IQSEC1: variants seen among roughly 807,000 people sequenced by gnomAD.
IQSEC1 encodes the protein IQ motif and SEC7 domain-containing protein 1.
IQSEC1 carries 31 observed loss-of-function variants against 91.0 expected under a neutral mutation model. The ratio of observed to expected loss-of-function variants is 0.34; its 90% CI spans 0.26 to 0.46. The LOEUF (loss-of-function observed/expected upper bound fraction) is 0.46, where lower values mean the gene tolerates loss of function less well. Among genes scored for constraint, IQSEC1 ranks in the 20% least tolerant of loss-of-function variants. The probability of loss-of-function intolerance (pLI) is 1.00; values close to 1 mark genes in which losing one functional copy is unlikely to be tolerated. For missense variants in IQSEC1, 1,388 were observed against 1,575.6 expected, an observed-to-expected ratio of 0.88 and a Z score of 2.02; for synonymous variants, 699 against 662.6, an observed-to-expected ratio of 1.05 and a Z score of -0.84.
At chr3:13,256,749 AG>A (rs1477318787) in intron 1 of IQSEC1, among the ~76,000 whole-genome samples, 1 of 152,236 alleles carries the variant, frequency 6.6e-6, no homozygotes, top group East Asian at 1.9e-4. Flanking sequence ...AGAAACCAAA[AG>A]GACAAACTGG....
At chr3:13,021,182 G>A (rs1372838910) in intron 1 of IQSEC1, among the ~76,000 whole-genome samples, 1 of 152,158 alleles carries the variant, frequency 6.6e-6, no homozygotes, top group Non-Finnish European at 1.5e-5. Context: ...TTACAGATGG[G>A]GAGACCCCAG....
intron 1 of IQSEC1, among the ~76,000 whole-genome samples, chr3:13,024,927 TCTCTGCC>T (rs1703555814): frequency 6.6e-6 from 1 of 152,204 alleles, no homozygotes; most frequent in Non-Finnish European, 1.5e-5. Flanking sequence ...GAATAAAAAA[TCTCTGCC>T]CTCCAGGCTG....
chr3:12,938,265 C>G (rs1297165945), intron 2 of IQSEC1, among the ~76,000 whole-genome samples: 2 of 152,222 alleles, frequency 1.3e-5, no homozygotes, highest in Non-Finnish European at 2.9e-5. Flanking sequence ...CATGGAGGTC[C>G]TTGCCCTCGA....
intron 2 of IQSEC1, among the ~76,000 whole-genome samples, chr3:13,104,221 C>T (rs916264589): frequency 6.6e-6 from 1 of 152,236 alleles, no homozygotes; most frequent in South Asian, 2.1e-4. Context: ...TAAATGGTGA[C>T]TTCTGCACTC....
intron 2 of IQSEC1, among the ~76,000 whole-genome samples, chr3:13,138,902 C>T (rs1268470366): frequency 2.0e-4 from 31 of 151,982 alleles, no homozygotes; most frequent in African/African-American, 7.3e-4. Context: ...AAGCAACTGC[C>T]CCCTCCAGAT....
Position 12,967,551 on chromosome 3 carries a change from C to A in IQSEC1, c.24-25686G>T. 7.3e-7 allele frequency: 1 copy of A among 1,361,966 alleles called. No homozygotes were observed. The highest frequency in any genetic ancestry group is 9.4e-7 in the Non-Finnish European group (1 of 1,066,456). 84.4% of individuals were successfully genotyped at this position (1,361,966 alleles called of 1,614,324 possible). On this transcript the variant is annotated intron_variant, in intron 1 of 13. Transcript: ENST00000613206. The surrounding 1 kb of genome is among the most constrained non-coding windows in gnomAD (Gnocchi z 5.9). ...GAGCCGCCGGATCCCGGGGCCGACA[C>A]CCGGCCACCCGGAGACCCGACCACC...
chr3:13,179,382 C>T (rs1051130578), intron 1 of IQSEC1, among the ~76,000 whole-genome samples: 2 of 152,210 alleles, frequency 1.3e-5, no homozygotes, highest in African/African-American at 4.8e-5. Flanking sequence ...ATGAGAATTA[C>T]AGCAGATTAC....
intron 1 of IQSEC1, among the ~76,000 whole-genome samples, chr3:13,223,908 C>G (rs534679763): frequency 6.6e-6 from 1 of 152,118 alleles, no homozygotes; most frequent in Non-Finnish European, 1.5e-5. Context: ...TTGGAGTCAC[C>G]GGACATTAAT....
chr3:13,184,929 T>C (rs1194669831), intron 1 of IQSEC1, among the ~76,000 whole-genome samples: 1 of 152,100 alleles, frequency 6.6e-6, no homozygotes, highest in Non-Finnish European at 1.5e-5. Context: ...AGATGGACCT[T>C]CCTTGGTAAA....
intron 1 of IQSEC1, among the ~76,000 whole-genome samples, chr3:13,052,800 C>T (rs542873039): frequency 1.8e-4 from 27 of 152,114 alleles, no homozygotes; most frequent in African/African-American, 6.3e-4. Context: ...ATATTTATTA[C>T]TGAACCCAGC....
chr3:13,149,093 C>T (rs368996792), intron 2 of IQSEC1, among the ~76,000 whole-genome samples: 4 of 152,220 alleles, frequency 2.6e-5, no homozygotes, highest in African/African-American at 9.6e-5. Flanking sequence ...CTGGGCAGTC[C>T]CCACACCCGC....
At chr3:13,197,662 C>A (rs1441384906) in intron 1 of IQSEC1, among the ~76,000 whole-genome samples, 4 of 152,316 alleles carry the variant, frequency 2.6e-5, no homozygotes, top group Middle Eastern at 3.4e-3. Context: ...AGTCAGCATC[C>A]CACCTTACGA....
At chr3:13,143,118 T>A (rs1346296242) in intron 2 of IQSEC1, among the ~76,000 whole-genome samples, 1 of 152,074 alleles carries the variant, frequency 6.6e-6, no homozygotes, top group South Asian at 2.1e-4. Context: ...GTCTGTGCAC[T>A]CCCTCTAGAG....
intron 13 of IQSEC1, among the ~76,000 whole-genome samples, chr3:12,901,938 A>C (rs1694361226): frequency 6.6e-6 from 1 of 151,790 alleles, no homozygotes; most frequent in African/African-American, 2.4e-5. Context: ...GCTCCTGCTG[A>C]AAACAGGGCC....
chr3:12,965,076 T>C (rs1341857981), intron 1 of IQSEC1, among the ~76,000 whole-genome samples: 5 of 152,192 alleles, frequency 3.3e-5, no homozygotes, highest in Non-Finnish European at 2.9e-5. Context: ...CATCACAACA[T>C]TGGGGTTCTC....
chr3:12,964,802 C>A (rs756527341), intron 1 of IQSEC1, among the ~76,000 whole-genome samples: 8 of 152,234 alleles, frequency 5.3e-5, no homozygotes, highest in Non-Finnish European at 1.0e-4. Context: ...AGAGTCCAGA[C>A]AGATAAAACC....
intron 1 of IQSEC1, among the ~76,000 whole-genome samples, chr3:13,201,090 G>T (rs555064068): frequency 2.6e-5 from 4 of 152,154 alleles, no homozygotes; most frequent in African/African-American, 7.2e-5. Flanking sequence ...CATTTACTCC[G>T]CACAACAAAT....
At chr3:13,051,170 C>T (rs1423187381) in intron 1 of IQSEC1, among the ~76,000 whole-genome samples, 1 of 152,164 alleles carries the variant, frequency 6.6e-6, no homozygotes, top group African/African-American at 2.4e-5. Context: ...TGCCAGTCAG[C>T]TAGGCAGGGC....
At chr3:12,962,239 T>A (rs1238901831) in intron 1 of IQSEC1, among the ~76,000 whole-genome samples, 1 of 152,206 alleles carries the variant, frequency 6.6e-6, no homozygotes, top group African/African-American at 2.4e-5. Flanking sequence ...ACAACTAACA[T>A]CTACCGGGCC....
Sources: gnomAD v4.1 joint callset for allele counts (sites outside exome capture counted in the v4.1 genomes callset) on GRCh38, gnomAD v4.1.1 for gene constraint, Gnocchi (gnomAD v3.1) non-coding constraint, MANE v1.5 for transcripts, NCBI Gene and HGNC (gene_info 2026-07-23, HGNC 2026-07-21) for gene names.